Variants in NELL2 observed in about 807,000 individuals in gnomAD.
NELL2 encodes protein kinase C-binding protein NELL2.
Under a neutral mutation model 109.6 loss-of-function variants are expected in NELL2, and 41 were observed. That is an observed-to-expected ratio of 0.37 (90% CI 0.29 to 0.49). The LOEUF is 0.49. Among genes scored for constraint, NELL2 ranks in the 20% least tolerant of loss-of-function variants. NELL2 has a pLI of 0.98. For synonymous variants in NELL2, 355 were observed against 344.7 expected, an observed-to-expected ratio of 1.03 and a Z score of -0.33; for missense variants, 900 against 1,008.3, an observed-to-expected ratio of 0.89 and a Z score of 1.45.
intron 9 of NELL2, among the ~76,000 whole-genome samples, chr12:44,764,779 T>A (rs1432739956): frequency 1.3e-5 from 2 of 152,014 alleles, no homozygotes; most frequent in African/African-American, 2.4e-5. Flanking sequence ...AAAATACTTT[T>A]AAAATGTCAG....
chr12:44,903,093 T>TGGTCTG (rs1364032806), intron 1 of NELL2, among the ~76,000 whole-genome samples: 2 of 152,046 alleles, frequency 1.3e-5, no homozygotes, highest in Non-Finnish European at 2.9e-5. Flanking sequence ...AAATAAACTA[T>TGGTCTG]CATCAGAGTG....
rs779046731 is a variant in NELL2, at chr12:44,580,862, C to A, written c.1663+26307G>T. 9.2e-5 allele frequency among the ~76,000 whole-genome samples: 14 copies of A among 151,972 alleles called. No homozygotes were observed. The East Asian group carries it at 2.3e-3, about 25-fold the overall frequency. On this transcript the variant is annotated intron_variant, in intron 15 of 19. Coordinates refer to ENST00000429094, the MANE Select transcript of NELL2 (RefSeq NM_001145108.2). ...TTCAGCTCATTTTATATAACAAATG[C>A]CTATTTCTCAAATGCAGTTGGAAGG...
chr12:44,730,248 TA>T (rs1939298489), intron 9 of NELL2, among the ~76,000 whole-genome samples: 1 of 152,024 alleles, frequency 6.6e-6, no homozygotes, highest in African/African-American at 2.4e-5. Context: ...AAAAAGTCAA[TA>T]AGGAAACAGA....
At chr12:44,680,717 A>C (rs1219183744) in intron 12 of NELL2, among the ~76,000 whole-genome samples, 1 of 152,162 alleles carries the variant, frequency 6.6e-6, no homozygotes, top group African/African-American at 2.4e-5. Context: ...ATTGACTCAA[A>C]GAAGCCAGGT....
Position 44,875,979 on chromosome 12 carries a change from T to C in NELL2, c.-110A>G. 1.3e-6 allele frequency: 2 copies of C among 1,570,642 alleles called. No homozygotes were observed. Among genetic ancestry groups the C allele is most frequent in the South Asian group, 2.3e-5 (2 of 87,812 alleles). ...AACGTTTGTCTCTCCTGCTGCTGCC[T>C]CGGATTTACTGATCAGTAGGATTAA... On this transcript the variant is annotated 5_prime_UTR_variant, in exon 1 of 20. Coordinates refer to ENST00000429094, the MANE Select transcript of NELL2 (RefSeq NM_001145108.2).
At chr12:44,676,325 T>A (rs183285191) in intron 12 of NELL2, among the ~76,000 whole-genome samples, 1 of 152,180 alleles carries the variant, frequency 6.6e-6, no homozygotes, top group Non-Finnish European at 1.5e-5. Flanking sequence ...AGAATTTTTT[T>A]AAATATAAAA....
intron 1 of NELL2, among the ~76,000 whole-genome samples, chr12:44,897,759 G>A (rs899278888): frequency 3.3e-5 from 5 of 151,908 alleles, no homozygotes; most frequent in South Asian, 2.1e-4. Flanking sequence ...GAATGCCCCC[G>A]AGACAGAACT....
At chr12:44,597,293 G>A (rs1424907588) in intron 15 of NELL2, among the ~76,000 whole-genome samples, 1 of 152,068 alleles carries the variant, frequency 6.6e-6, no homozygotes, top group Non-Finnish European at 1.5e-5. Flanking sequence ...TATTCCTGAT[G>A]AAGATTTATT....
chr12:44,742,593 C>A (rs965296276), intron 9 of NELL2, among the ~76,000 whole-genome samples: 3 of 152,138 alleles, frequency 2.0e-5, no homozygotes, highest in African/African-American at 7.2e-5. Flanking sequence ...CTAGAACAAC[C>A]AATGCAGAGA....
intron 15 of NELL2, among the ~76,000 whole-genome samples, chr12:44,593,750 T>C (rs140602548): frequency 5.9e-5 from 9 of 152,296 alleles, no homozygotes; most frequent in African/African-American, 2.2e-4. Flanking sequence ...CCACACACTC[T>C]CCTGCATCTG....
chr12:44,892,788 A>G (rs1341617616), intron 1 of NELL2, among the ~76,000 whole-genome samples: 4 of 129,874 alleles, frequency 3.1e-5, no homozygotes, highest in African/African-American at 1.2e-4. Flanking sequence ...ACAGAGCGAG[A>G]CTCTGTCTCA....
At chr12:44,869,139 A>G (rs1228929503) in intron 2 of NELL2, among the ~76,000 whole-genome samples, 1 of 152,206 alleles carries the variant, frequency 6.6e-6, no homozygotes, top group East Asian at 1.9e-4. Flanking sequence ...ACCTTGAAAC[A>G]TAGTATCTGC....
At chr12:44,532,402 T>A (rs1007548017) in intron 16 of NELL2, 179 bp downstream of exon 16, 6 of 457,698 alleles carry the variant, frequency 1.3e-5, no homozygotes, top group Non-Finnish European at 2.1e-5. Flanking sequence ...TATCTAAAAA[T>A]AACATTAGAT....
intron 2 of NELL2, among the ~76,000 whole-genome samples, chr12:44,861,275 T>C (rs965795716): frequency 2.0e-5 from 3 of 152,076 alleles, no homozygotes; most frequent in African/African-American, 7.2e-5. Context: ...ACCCCAAAAA[T>C]AGGCCTGACT....
At chr12:44,580,889 T>C (rs974489732) in intron 15 of NELL2, among the ~76,000 whole-genome samples, 1 of 152,202 alleles carries the variant, frequency 6.6e-6, no homozygotes, top group Non-Finnish European at 1.5e-5. Context: ...GTTGGAAGGA[T>C]ATAGAGCTTC....
chr12:44,629,519 T>A (rs897192973), intron 13 of NELL2, among the ~76,000 whole-genome samples: 1 of 152,184 alleles, frequency 6.6e-6, no homozygotes, highest in Non-Finnish European at 1.5e-5. Context: ...CTTGGAAATG[T>A]ACCAGATGCT....
chr12:44,602,167 T>C (rs1441300302), intron 15 of NELL2, among the ~76,000 whole-genome samples: 1 of 152,188 alleles, frequency 6.6e-6, no homozygotes, highest in African/African-American at 2.4e-5. Context: ...TCACACAAAG[T>C]TCATTAAAAC....
chr12:44,576,600 C>T (rs1944095549), intron 15 of NELL2, among the ~76,000 whole-genome samples: 3 of 151,064 alleles, frequency 2.0e-5, no homozygotes, highest in Admixed American at 2.0e-4. Flanking sequence ...GCATATTGTG[C>T]AGGTTAGTTA....
chr12:44,594,924 TC>T (rs1168043681), intron 15 of NELL2, among the ~76,000 whole-genome samples: 1 of 152,074 alleles, frequency 6.6e-6, no homozygotes, highest in Non-Finnish European at 1.5e-5. Context: ...ATACACAGAG[TC>T]CCCCTTCTCA....
Sources: gnomAD v4.1 joint callset for allele counts (sites outside exome capture counted in the v4.1 genomes callset) on GRCh38, gnomAD v4.1.1 for gene constraint, MANE v1.5 for transcripts, NCBI Gene and HGNC (gene_info 2026-07-23, HGNC 2026-07-21) for gene names.